The following CDK15 variants were observed in gnomAD, a reference collection of about 807,000 sequenced individuals.
The protein encoded by CDK15 is cyclin dependent kinase 15, also known as cyclin-dependent kinase 15.
Under a neutral mutation model 60.3 loss-of-function variants are expected in CDK15, and 62 were observed. That is an observed-to-expected ratio of 1.03 (90% CI 0.84 to 1.27). CDK15 has a LOEUF of 1.27. CDK15 is among the 50% of genes most tolerant of loss of function. The pLI is 0.00. For missense variants in CDK15, 541 were observed against 527.8 expected (o/e 1.03, Z -0.25); for synonymous variants, 194 against 195.7 (o/e 0.99, Z 0.07).
rs990838694 is a variant in CDK15 at position 201,863,040 on chromosome 2, A to G, written c.1009+8103A>G. Among the ~76,000 whole-genome samples, 16 of 152,186 alleles carry G rather than the reference A, an allele frequency of 1.1e-4. 1 individual carries two copies. The highest frequency in any genetic ancestry group is 8.5e-4 in the Admixed American group (13 of 15,284). ...GAAGCCACTGGCGTTCACTGAATCTATGAACCTCGATTGGGCTCATTACTG... is the reference window on the plus strand; with the variant it reads ...GAAGCCACTGGCGTTCACTGAATCTGTGAACCTCGATTGGGCTCATTACTG... On this transcript the variant is annotated intron_variant, in intron 10 of 13. Transcript: ENST00000652192.
intron 4 of CDK15, among the ~76,000 whole-genome samples, chr2:201,820,150 T>C (rs1696158387): frequency 6.6e-6 from 1 of 152,172 alleles, no homozygotes; most frequent in Admixed American, 6.5e-5. Context: ...AGCTTTACCA[T>C]ATCCTTTTGA....
rs1333026149 is a variant in CDK15, at chr2:201,815,095, G to A, written c.448+2533G>A. Among the ~76,000 whole-genome samples the A allele has an allele frequency of 3.9e-5, 6 of 152,086 alleles. No individual in the cohort carries two copies. The East Asian group carries it at 9.6e-4, about 24-fold the overall frequency. On this transcript the variant is annotated intron_variant, in intron 4 of 13. Transcript: ENST00000652192. ...GCCTCCGGAGTAGCTGGGATTACAG[G>A]CATGTGCCACCACACCCAGCTAATT...
intron 11 of CDK15, chr2:201,876,445 G>C: frequency 3.9e-6 from 2 of 506,460 alleles, no homozygotes; most frequent in Non-Finnish European, 7.2e-6. Flanking sequence ...CTTGCTACCA[G>C]TGCTGCCAGT....
intron 6 of CDK15, among the ~76,000 whole-genome samples, chr2:201,824,317 G>A (rs1696366618): frequency 1.3e-5 from 2 of 152,204 alleles, no homozygotes; most frequent in South Asian, 4.2e-4. Context: ...ATAACCGTAT[G>A]AAATTTGTAT....
chr2:201,861,326 G>T (rs942636752), intron 10 of CDK15: 2 of 988,372 alleles, frequency 2.0e-6, no homozygotes, highest in African/African-American at 3.5e-5. Flanking sequence ...TACAGATGAG[G>T]AAACAGAGGC....
intron 10 of CDK15, among the ~76,000 whole-genome samples, chr2:201,855,888 C>T (rs996442388): frequency 1.9e-4 from 29 of 149,554 alleles, no homozygotes; most frequent in Non-Finnish European, 3.7e-4. Context: ...TGCAGTGGCA[C>T]GATCTCGGCT....
Position 201,861,831 on chromosome 2 carries a change from G to A in CDK15, c.1009+6894G>A, listed in dbSNP as rs183530905. On this transcript the variant is annotated intron_variant, in intron 10 of 13. Coordinates refer to ENST00000652192, the MANE Select transcript of CDK15 (RefSeq NM_001366386.2). ...CTGCCTCAGCCTCCCAAAGTGCTGG[G>A]ATTACAGGTGTGAGCCACTGCCTCC... Among the ~76,000 whole-genome samples the A allele has an allele frequency of 3.1e-3, 478 of 152,256 alleles. 2 individuals are homozygous for A. The highest frequency in any genetic ancestry group is 0.01 in the Middle Eastern group (3 of 294).
At chr2:201,888,093 G>T (rs1292802565) in intron 12 of CDK15, among the ~76,000 whole-genome samples, 1 of 147,808 alleles carries the variant, frequency 6.8e-6, no homozygotes, top group East Asian at 2.0e-4. Flanking sequence ...AAGTAAAAGA[G>T]ATTTGATTAT....
At chr2:201,814,069 C>A (rs1695888002) in intron 4 of CDK15, among the ~76,000 whole-genome samples, 1 of 152,164 alleles carries the variant, frequency 6.6e-6, no homozygotes, top group Non-Finnish European at 1.5e-5. Context: ...GGAAGGTTTC[C>A]TTTGTGAGCT....
At chr2:201,843,225 C>T (rs1031904015) in intron 8 of CDK15, among the ~76,000 whole-genome samples, 3 of 151,970 alleles carry the variant, frequency 2.0e-5, no homozygotes, top group Admixed American at 6.6e-5. Context: ...CTGGCTCTGT[C>T]GCCCAGGCTG....
chr2:201,855,186 A>G (rs747522548), intron 10 of CDK15, among the ~76,000 whole-genome samples: 7 of 152,266 alleles, frequency 4.6e-5, no homozygotes, highest in South Asian at 4.1e-4. Flanking sequence ...AATGACTATT[A>G]CTGTGGATTC....
intron 8 of CDK15, among the ~76,000 whole-genome samples, chr2:201,836,714 GAT>G (rs1290766269): frequency 3.3e-5 from 5 of 150,500 alleles, no homozygotes; most frequent in Non-Finnish European, 7.4e-5. Context: ...CAGACACACA[GAT>G]GTGTGTGCAC....
intron 12 of CDK15, among the ~76,000 whole-genome samples, chr2:201,886,158 C>T (rs1298943525): frequency 6.6e-6 from 1 of 152,186 alleles, no homozygotes; most frequent in African/African-American, 2.4e-5. Flanking sequence ...AGATTCCACA[C>T]ATCTCCAGGT....
At chr2:201,872,241 G>A (rs747204620) in intron 10 of CDK15, 37 bp from the exon 11 acceptor site, 7 of 1,610,074 alleles carry the variant, frequency 4.3e-6, no homozygotes, top group African/African-American at 1.3e-5. Flanking sequence ...GTTTTCGGGT[G>A]GATTTTATTT....
intron 10 of CDK15, 48 bp from the exon 11 acceptor site, chr2:201,872,230 G>A (rs35273085): frequency 0.093 from 148,410 of 1,591,784 alleles, 10,077 homozygotes; most frequent in African/African-American, 0.35. Context: ...TTGGCAACAG[G>A]GTTTTCGGGT....
chr2:201,888,329 G>C, intron 12 of CDK15: 1 of 1,360,576 alleles, frequency 7.3e-7, no homozygotes, highest in South Asian at 1.6e-5. Context: ...TCATTATCTC[G>C]TTCCGAAATG....
chr2:201,864,792 A>G (rs887926386), intron 10 of CDK15, among the ~76,000 whole-genome samples: 21 of 152,248 alleles, frequency 1.4e-4, no homozygotes, highest in African/African-American at 5.1e-4. Context: ...TTTTGAGATT[A>G]AGGTATCTGT....
chr2:201,845,444 A>C (rs1428390559), intron 8 of CDK15, among the ~76,000 whole-genome samples: 1 of 152,176 alleles, frequency 6.6e-6, no homozygotes, highest in Non-Finnish European at 1.5e-5. Context: ...ACAATCAATG[A>C]AAAGTAATCT....
intron 12 of CDK15, 45 bp from the exon 13 acceptor site, chr2:201,890,740 C>A: frequency 1.4e-6 from 2 of 1,441,888 alleles, no homozygotes; most frequent in Non-Finnish European, 1.9e-6. Context: ...CACAGAAGAT[C>A]CCAGGAAATA....
Sources: allele counts gnomAD v4.1 joint callset (sites outside exome capture counted in the v4.1 genomes callset), GRCh38; gene constraint gnomAD v4.1.1; transcripts MANE v1.5; gene names NCBI Gene and HGNC (gene_info 2026-07-23, HGNC 2026-07-21).